Variants in SCRG1 observed in about 807,000 individuals in gnomAD.
SCRG1 encodes scrapie-responsive protein 1.
A neutral mutation model predicts 7.7 loss-of-function variants in SCRG1; 3 were observed. The observed-to-expected ratio is 0.39, with a 90% CI of 0.18 to 1.01. The LOEUF (loss-of-function observed/expected upper bound fraction) is 1.01, where lower values mean the gene tolerates loss of function less well. Among genes scored for constraint, SCRG1 ranks in the 50% least tolerant of loss-of-function variants. The pLI is 0.36. For synonymous variants in SCRG1, 46 were observed against 41.2 expected (o/e 1.12, Z -0.44); for missense variants, 110 against 117.2 (o/e 0.94, Z 0.28).
At chr4:173,493,043 G>T in the SCRG1 span, among the ~76,000 whole-genome samples, 1 of 152,108 alleles carries the variant, frequency 6.6e-6, no homozygotes, top group African/African-American at 2.4e-5. Flanking sequence ...CTCTCCCTGG[G>T]AATCTCACTC....
At chr4:173,433,787 G>T in the SCRG1 span, among the ~76,000 whole-genome samples, 1 of 152,138 alleles carries the variant, frequency 6.6e-6, no homozygotes, top group Non-Finnish European at 1.5e-5. Flanking sequence ...GCCTCTGTCG[G>T]AGGTCAGAGC....
the SCRG1 span, among the ~76,000 whole-genome samples, chr4:173,429,439 C>T: frequency 6.6e-6 from 1 of 152,128 alleles, no homozygotes; most frequent in South Asian, 2.1e-4. Context: ...ATGATAGGTC[C>T]ATACCACCAT....
In SCRG1 at chr4:173,388,419, T is replaced by C. The variant is rs1429565664; in HGVS notation, c.243-24A>G. On this transcript the variant is annotated intron_variant, in intron 2 of 2. Coordinates refer to ENST00000296506, the MANE Select transcript of SCRG1 (RefSeq NM_007281.4). ...CTCTGAAAGAAAATAGAGCATCAAT[T>C]AAATTCACCTTAAGGCTAAGATATT... 1.9e-6 allele frequency: 3 copies of C among 1,544,342 alleles called. No homozygotes were observed. The East Asian group carries it at 6.8e-5, about 35-fold the overall frequency.
the SCRG1 span, among the ~76,000 whole-genome samples, chr4:173,476,709 T>C: frequency 6.6e-6 from 1 of 152,082 alleles, no homozygotes; most frequent in Non-Finnish European, 1.5e-5. Context: ...TAGTCCTAGT[T>C]ACTCAGGAGG....
At chr4:173,407,903 G>C (rs1387408878), upstream of SCRG1, among the ~76,000 whole-genome samples, 1 of 152,182 alleles carries the variant, frequency 6.6e-6, no homozygotes, top group Non-Finnish European at 1.5e-5. Context: ...GAAATTTATA[G>C]GTGTTAAATT....
At chr4:173,517,931 C>A in the SCRG1 span, among the ~76,000 whole-genome samples, 1 of 152,238 alleles carries the variant, frequency 6.6e-6, no homozygotes, top group Admixed American at 6.5e-5. Context: ...TCCTCCCGGA[C>A]CTCGGGCCTA....
At chr4:173,485,088 T>A in the SCRG1 span, among the ~76,000 whole-genome samples, 4 of 7,042 alleles carry the variant, frequency 5.7e-4, no homozygotes, top group Non-Finnish European at 1.2e-3. Context: ...ATATAATATA[T>A]TATATATTAT....
chr4:173,419,217 G>T, the SCRG1 span: 3 of 452,784 alleles, frequency 6.6e-6, no homozygotes, highest in South Asian at 2.4e-5. Context: ...GTCTTTATCT[G>T]AAAAATCCTC....
the SCRG1 span, among the ~76,000 whole-genome samples, chr4:173,483,918 G>GTTATATATATTTCATATAATATATT: frequency 1.6e-5 from 1 of 64,276 alleles, no homozygotes; most frequent in Non-Finnish European, 2.6e-5. Context: ...TATAATATAT[G>GTTATATATATTTCATATAATATATT]TTATATATTT....
rs1193844042 is a variant in SCRG1, at chr4:173,385,297, C to A, written c.*3044G>T. 6.6e-6 allele frequency: 1 copy of A among 152,100 alleles called. No individual in the cohort carries two copies. Among genetic ancestry groups the A allele is most frequent in the East Asian group, 1.9e-4 (1 of 5,194 alleles). 9.4% of individuals were successfully genotyped at this position (152,100 alleles called of 1,614,324 possible). On this transcript the variant is annotated 3_prime_UTR_variant, in exon 3 of 3. Coordinates refer to ENST00000296506, the MANE Select transcript of SCRG1 (RefSeq NM_007281.4). The stretch of plus-strand genomic sequence containing the variant: ...CAGCCTGTCCAACATGGCAAAACCT[C>A]ATTTCTACTAAAAAATACAAAAATT...
rs1374056899 is a variant in SCRG1, at chr4:173,386,899, C to G, written c.*1442G>C. 2 of 152,150 alleles carry G rather than the reference C, an allele frequency of 1.3e-5. No homozygotes were observed. The highest frequency in any genetic ancestry group is 4.8e-5 in the African/African-American group (2 of 41,434). The allele number at this position is 152,150 out of a possible 1,614,324, so 9.4% of individuals were successfully genotyped here. ...ATGCCCAGATCTTAATAATGGCTGG[C>G]ACTTAGCAGGCTTTGAATACATTTT... is the stretch of plus-strand genomic sequence containing the variant. On this transcript the variant is annotated 3_prime_UTR_variant, in exon 3 of 3. Transcript: ENST00000296506.
chr4:173,473,311 G>T, the SCRG1 span, among the ~76,000 whole-genome samples: 8 of 152,198 alleles, frequency 5.3e-5, no homozygotes, highest in Admixed American at 1.3e-4. Flanking sequence ...TGGTAGGCTG[G>T]CCTGACCACA....
At chr4:173,457,351 G>A in the SCRG1 span, among the ~76,000 whole-genome samples, 7 of 152,296 alleles carry the variant, frequency 4.6e-5, no homozygotes, top group Non-Finnish European at 1.0e-4. Flanking sequence ...ACACTCAGAA[G>A]TAAGGAAAAA....
the SCRG1 span, among the ~76,000 whole-genome samples, chr4:173,515,104 G>A: frequency 2.0e-5 from 3 of 152,198 alleles, no homozygotes; most frequent in Admixed American, 1.3e-4. The surrounding 1 kb of genome is among the most constrained non-coding windows in gnomAD (Gnocchi z 4.6). Context: ...TACCCAAAAA[G>A]GTGGCAACTG....
At chr4:173,439,849 G>T in the SCRG1 span, among the ~76,000 whole-genome samples, 1 of 152,134 alleles carries the variant, frequency 6.6e-6, no homozygotes, top group Non-Finnish European at 1.5e-5. Context: ...TGTGCTTAAT[G>T]ATTCTTCCTT....
chr4:173,414,587 T>TGCCGACA, the SCRG1 span, among the ~76,000 whole-genome samples: 6 of 152,016 alleles, frequency 3.9e-5, no homozygotes, highest in African/African-American at 1.4e-4. Flanking sequence ...TCATGCCCTC[T>TGCCGACA]TGATCATGTC....
At chr4:173,461,255 G>A in the SCRG1 span, among the ~76,000 whole-genome samples, 5 of 152,274 alleles carry the variant, frequency 3.3e-5, no homozygotes, top group Admixed American at 3.3e-4. Context: ...GGTTATAGCA[G>A]GCCTTGGGTG....
At chr4:173,419,439 C>T in the SCRG1 span, 2 of 1,050,608 alleles carry the variant, frequency 1.9e-6, no homozygotes, top group Admixed American at 1.8e-5. Flanking sequence ...TCCATCAAGT[C>T]TGGAGTTACG....
chr4:173,429,353 T>G, the SCRG1 span, among the ~76,000 whole-genome samples: 1 of 152,158 alleles, frequency 6.6e-6, no homozygotes, highest in African/African-American at 2.4e-5. Context: ...GGTGCCATCA[T>G]AGCTTACCAT....
Sources: allele counts gnomAD v4.1 joint callset (sites outside exome capture counted in the v4.1 genomes callset), GRCh38; gene constraint gnomAD v4.1.1; non-coding constraint Gnocchi (gnomAD v3.1); transcripts MANE v1.5; gene names NCBI Gene and HGNC (gene_info 2026-07-23, HGNC 2026-07-21).